Variants in CACNA1A observed in about 807,000 individuals in gnomAD.
CACNA1A encodes calcium voltage-gated channel subunit alpha1 A.
A neutral mutation model predicts 262.4 loss-of-function variants in CACNA1A; 57 were observed. The observed-to-expected ratio is 0.22, with a 90% CI of 0.18 to 0.27. CACNA1A has a LOEUF of 0.27. Ranked by LOEUF, CACNA1A falls within the 10% of genes least tolerant of loss-of-function variation. CACNA1A has a pLI of 1.00. For missense variants in CACNA1A, 2,526 were observed against 3,562.8 expected (o/e 0.71, Z 7.41); for synonymous variants, 1,431 against 1,419.3 (o/e 1.01, Z -0.18).
At chr19:13,466,497 T>C (rs1031966189) in intron 1 of CACNA1A, among the ~76,000 whole-genome samples, 1 of 151,890 alleles carries the variant, frequency 6.6e-6, no homozygotes, top group Non-Finnish European at 1.5e-5. Context: ...CCCACCACCA[T>C]ACCTGGCTAA....
chr19:13,478,895 G>GATC (rs1978902929), intron 1 of CACNA1A, among the ~76,000 whole-genome samples: 3 of 152,206 alleles, frequency 2.0e-5, no homozygotes, highest in Admixed American at 2.0e-4. Context: ...AAAACCAAAA[G>GATC]ATCAGGTGTG....
intron 1 of CACNA1A, among the ~76,000 whole-genome samples, chr19:13,476,398 CTCA>C (rs1978544143): frequency 6.6e-6 from 1 of 152,194 alleles, no homozygotes; most frequent in East Asian, 1.9e-4. Flanking sequence ...TCATTGCCAA[CTCA>C]TCATCACCAT....
intron 1 of CACNA1A, among the ~76,000 whole-genome samples, chr19:13,482,666 C>T (rs1465267511): frequency 6.6e-6 from 1 of 152,118 alleles, no homozygotes; most frequent in Non-Finnish European, 1.5e-5. Flanking sequence ...TCCATTACCC[C>T]AAATCCACTC....
At chr19:13,294,755 C>T in intron 19 of CACNA1A, among the ~76,000 whole-genome samples, 1 of 152,098 alleles carries the variant, frequency 6.6e-6, no homozygotes, top group East Asian at 1.9e-4. Context: ...TCCCAAAGTG[C>T]TGGGATTACA....
chr19:13,252,068 T>G (rs1253140148), intron 30 of CACNA1A, among the ~76,000 whole-genome samples: 2 of 151,540 alleles, frequency 1.3e-5, no homozygotes, highest in Non-Finnish European at 2.9e-5. Flanking sequence ...GCCTGACCTC[T>G]GTGTTTGTTT....
rs150296849 is a variant in CACNA1A, at chr19:13,485,908, T to G, written c.293+20024A>C. ...CCCTGCAAGCGAGCAGCAGAATCCA[T>G]AAACAACCAACAAAGCTGCTTATGC... On this transcript the variant is annotated intron_variant, in intron 1 of 46. Coordinates refer to ENST00000360228, the MANE Select transcript of CACNA1A (RefSeq NM_001127222.2). 9.9e-5 allele frequency among the ~76,000 whole-genome samples: 15 copies of G among 152,268 alleles called. No individual in the cohort carries two copies. The East Asian group carries it at 2.7e-3, about 27-fold the overall frequency.
chr19:13,506,012 G>A lies in CACNA1A; in HGVS notation c.213C>T (p.Cys71=). 1 of 1,614,000 alleles carries A rather than the reference G, an allele frequency of 6.2e-7. No homozygotes were observed. Among genetic ancestry groups the A allele is most frequent in the Non-Finnish European group, 8.5e-7 (1 of 1,179,876 alleles). Residue 71 remains cysteine (C), a synonymous_variant, in exon 1 of 47, where the codon TGC becomes TGT. Transcript: ENST00000360228. ...LYNPIPVRQN[C]LTVNRSLFLF... Reference sequence around the variant, plus strand: ...GGAAGAGAGACCGGTTAACCGTGAGGCAGTTCTGTCGGACGGGGATGGGGT... The same window carrying A: ...GGAAGAGAGACCGGTTAACCGTGAGACAGTTCTGTCGGACGGGGATGGGGT...
In CACNA1A at chr19:13,317,300, C is replaced by T. The variant is rs1157373397; in HGVS notation, c.1367G>A (p.Ser456Asn). ...GTTCTCCAGCTTGGCACTTTTAATG[C>T]TGGCTCGGGCGAAGGGAGAACCTGC... ...ASVGSPFARA[S>N]IKSAKLENST... The change falls in exon 11 of 47, where the codon AGC becomes AAC. Residue 456 changes from serine to asparagine, a missense_variant. This residue lies in a region of CACNA1A where 104 missense variants were observed against 127.6 expected (regional missense o/e 0.81). Transcript: ENST00000360228. 1 of 1,606,218 alleles carries T rather than the reference C, an allele frequency of 6.2e-7. No individual in the cohort carries two copies. Among genetic ancestry groups the T allele is most frequent in the Non-Finnish European group, 8.5e-7 (1 of 1,173,426 alleles).
chr19:13,308,178 G>A lies in CACNA1A; in HGVS notation c.1855C>T (p.Leu619Phe). ...AAGACGACAATGAACAGGAAAAGGA[G>A]AAACAACAGGCTGATGATGGACTTC... ...SMKSIISLLFLLFLFIVVFAL... is the reference protein window; with the variant it reads ...SMKSIISLLFFLFLFIVVFAL... The change falls in exon 14 of 47, where the codon CTC becomes TTC. Residue 619 changes from leucine to phenylalanine, a missense_variant. Transcript: ENST00000360228. This position sits in a 1 kb window ranked among gnomAD's most constrained non-coding sequence, Gnocchi z 4.2. The A allele has an allele frequency of 6.2e-7, 1 of 1,613,970 alleles. No individual in the cohort carries two copies. Among genetic ancestry groups the A allele is most frequent in the Non-Finnish European group, 8.5e-7 (1 of 1,179,874 alleles).
intron 21 of CACNA1A, 105 bp downstream of exon 21, chr19:13,284,963 A>T: frequency 9.3e-7 from 1 of 1,071,758 alleles, no homozygotes; most frequent in Non-Finnish European, 1.4e-6. Flanking sequence ...GTATCCCTGG[A>T]CTCATGGTGG....
chr19:13,335,645 G>A (rs1326113733), intron 7 of CACNA1A, among the ~76,000 whole-genome samples, 161 bp downstream of exon 7: 2 of 152,184 alleles, frequency 1.3e-5, no homozygotes, highest in Non-Finnish European at 2.9e-5. Context: ...CACAACCTCT[G>A]CACCTGTGCA....
At chr19:13,383,222 C>T (rs937938011) in intron 3 of CACNA1A, among the ~76,000 whole-genome samples, 11 of 152,134 alleles carry the variant, frequency 7.2e-5, no homozygotes, top group Non-Finnish European at 1.5e-4. Flanking sequence ...GTATGTCAGA[C>T]GGTGTGAAGT....
intron 19 of CACNA1A, among the ~76,000 whole-genome samples, chr19:13,291,174 T>A (rs1243240825): frequency 6.6e-6 from 1 of 152,192 alleles, no homozygotes; most frequent in African/African-American, 2.4e-5. Context: ...TAACACCTGC[T>A]GTGCGTGGCG....
intron 1 of CACNA1A, among the ~76,000 whole-genome samples, chr19:13,462,421 T>TA (rs2061141111): frequency 6.6e-6 from 1 of 152,174 alleles, no homozygotes; most frequent in South Asian, 2.1e-4. Flanking sequence ...ACCAGAACCC[T>TA]AGATATATGG....
chr19:13,254,859 G>A (rs1428277731), intron 29 of CACNA1A, among the ~76,000 whole-genome samples: 1 of 152,108 alleles, frequency 6.6e-6, no homozygotes, highest in Non-Finnish European at 1.5e-5. Flanking sequence ...GCAGTCTTGG[G>A]TGGTCAGGGA....
At chr19:13,351,415 C>T (rs1480426417) in intron 6 of CACNA1A, among the ~76,000 whole-genome samples, 1 of 152,190 alleles carries the variant, frequency 6.6e-6, no homozygotes, top group African/African-American at 2.4e-5. Flanking sequence ...GATCATAGCT[C>T]ACTGCAGCCT....
chr19:13,279,642 G>A (rs1468458513), intron 22 of CACNA1A, among the ~76,000 whole-genome samples: 2 of 151,830 alleles, frequency 1.3e-5, no homozygotes, highest in Non-Finnish European at 2.9e-5. Flanking sequence ...ATGCTACCAC[G>A]CCCGGCTAAT....
intron 10 of CACNA1A, among the ~76,000 whole-genome samples, chr19:13,318,888 A>ATTTTTTTTTTTTTTTTTTTT (rs1600317762): frequency 2.7e-4 from 26 of 94,678 alleles, no homozygotes; most frequent in Middle Eastern, 5.4e-3. Context: ...TCTAAAATAC[A>ATTTTTTTTTTTTTTTTTTTT]TCTTTTTTTT....
At chr19:13,237,610 A>G (rs2055917155) in intron 31 of CACNA1A, among the ~76,000 whole-genome samples, 1 of 152,130 alleles carries the variant, frequency 6.6e-6, no homozygotes. Flanking sequence ...GCTCTCTGGG[A>G]CACATCAGTG....
Sources: allele counts gnomAD v4.1 joint callset (sites outside exome capture counted in the v4.1 genomes callset), GRCh38; gene constraint gnomAD v4.1.1; regional missense constraint gnomAD v4.1.1; non-coding constraint Gnocchi (gnomAD v3.1); transcripts MANE v1.5; gene names NCBI Gene and HGNC (gene_info 2026-07-23, HGNC 2026-07-21).